The following AP4S1 variants were observed in gnomAD, a reference collection of about 807,000 sequenced individuals.
The protein encoded by AP4S1 is adaptor related protein complex 4 subunit sigma 1.
AP4S1 carries 23 observed loss-of-function variants against 19.8 expected under a neutral mutation model. The ratio of observed to expected loss-of-function variants is 1.16; its 90% CI spans 0.84 to 1.65. The LOEUF (loss-of-function observed/expected upper bound fraction) is 1.65, where lower values mean the gene tolerates loss of function less well. Ranked by LOEUF, AP4S1 falls within the 40% of genes most tolerant of loss-of-function variation. The pLI, the probability that AP4S1 is intolerant of heterozygous loss-of-function variation, is 0.00. For synonymous variants in AP4S1, 46 were observed against 54.1 expected (o/e 0.85, Z 0.66); for missense variants, 166 against 172.8 (o/e 0.96, Z 0.22).
At chr14:31,085,187 T>C (rs1887866229) in intron 5 of AP4S1, 1 of 1,149,080 alleles carries the variant, frequency 8.7e-7, no homozygotes, top group African/African-American at 1.6e-5. Context: ...GCCCTCACTA[T>C]CTACTGCTTG....
Position 31,026,075 on chromosome 14 carries a change from C to T in AP4S1, c.-72+288C>T, listed in dbSNP as rs893643518. On this transcript the variant is annotated intron_variant, in intron 1 of 5. Transcript: ENST00000542754. The stretch of plus-strand genomic sequence containing the variant: ...AGGCCGGAGGACCCCCGCCGCCCGC[C>T]GCTCCGTTCCCCCCGGGCGAAAGGC... The T allele has an allele frequency of 3.9e-6, 6 of 1,529,576 alleles. No homozygotes were observed. The African/African-American group carries it at 7.1e-5, about 18-fold the overall frequency. The allele number at this position is 1,529,576 out of a possible 1,614,324, so 94.8% of individuals were successfully genotyped here. A position where few individuals can be genotyped will look rare whatever the true frequency, so the allele number is the denominator to read the frequency against.
At chr14:31,076,659 C>A (rs1338907372) in intron 4 of AP4S1, among the ~76,000 whole-genome samples, 2 of 152,148 alleles carry the variant, frequency 1.3e-5, no homozygotes, top group South Asian at 2.1e-4. Flanking sequence ...CTGTTCTTTT[C>A]CCCCAATGAA....
chr14:31,058,515 C>CTGTGTG (rs1886247835), intron 1 of AP4S1, among the ~76,000 whole-genome samples: 2 of 132,648 alleles, frequency 1.5e-5, no homozygotes, highest in South Asian at 2.5e-4. Flanking sequence ...TCTTCCCCAT[C>CTGTGTG]TCTGTGTGTG....
intron 5 of AP4S1, among the ~76,000 whole-genome samples, chr14:31,087,840 T>C (rs1271539825): frequency 1.3e-5 from 2 of 152,180 alleles, no homozygotes; most frequent in Non-Finnish European, 2.9e-5. Context: ...TTTGAGAGTA[T>C]CTGTGAATGT....
chr14:31,089,910 C>T (rs979500464), intron 5 of AP4S1, among the ~76,000 whole-genome samples: 2 of 152,150 alleles, frequency 1.3e-5, no homozygotes, highest in Non-Finnish European at 2.9e-5. Context: ...CAGAGAGAAG[C>T]TGCGTCTAAA....
intron 5 of AP4S1, among the ~76,000 whole-genome samples, chr14:31,081,626 TAGTA>T (rs989499508): frequency 1.3e-5 from 2 of 151,748 alleles, no homozygotes; most frequent in Non-Finnish European, 2.9e-5. Flanking sequence ...GAATATAAAA[TAGTA>T]AATTAATTAT....
upstream of AP4S1, chr14:31,025,153 G>T (rs1357991064): frequency 6.6e-6 from 1 of 152,056 alleles, no homozygotes; most frequent in Non-Finnish European, 1.5e-5. Flanking sequence ...GTCTGGTTTG[G>T]TTTTTTTATA....
chr14:31,048,216 C>T (rs902863385), intron 1 of AP4S1, among the ~76,000 whole-genome samples: 1 of 151,422 alleles, frequency 6.6e-6, no homozygotes, highest in Non-Finnish European at 1.5e-5. Context: ...GCCTCGGCCT[C>T]CCAAGTAGCT....
intron 1 of AP4S1, among the ~76,000 whole-genome samples, chr14:31,042,917 A>G (rs1885187141): frequency 6.6e-6 from 1 of 152,144 alleles, no homozygotes; most frequent in South Asian, 2.1e-4. Flanking sequence ...GAAGCTTTAG[A>G]AATTTTTCAG....
At chr14:31,058,331 CCTT>C (rs1886237616) in intron 1 of AP4S1, among the ~76,000 whole-genome samples, 1 of 152,120 alleles carries the variant, frequency 6.6e-6, no homozygotes, top group Non-Finnish European at 1.5e-5. Flanking sequence ...GTAACCTTAA[CCTT>C]CTTTTCCTCT....
At chr14:31,056,664 T>C (rs1886138061) in intron 1 of AP4S1, among the ~76,000 whole-genome samples, 1 of 152,222 alleles carries the variant, frequency 6.6e-6, no homozygotes, top group Non-Finnish European at 1.5e-5. Context: ...CAGCCTATAC[T>C]GTACTTTTTC....
intron 4 of AP4S1, among the ~76,000 whole-genome samples, chr14:31,077,989 C>T (rs748121585): frequency 6.6e-6 from 1 of 152,178 alleles, no homozygotes; most frequent in Non-Finnish European, 1.5e-5. Flanking sequence ...CTGCCTTGGC[C>T]TCCTAAAGTG....
rs370349435 is a variant in AP4S1 at position 31,067,734 on chromosome 14, G to T, written c.138+1400G>T. Among the ~76,000 whole-genome samples the T allele has an allele frequency of 8.6e-5, 13 of 151,878 alleles. 1 individual carries two copies. Among genetic ancestry groups the T allele is most frequent in the Admixed American group, 7.2e-4 (11 of 15,222 alleles). ...GGGTTTCACCATGTTGGTCAGGCTG[G>T]TCTCGAACTCCTGACCTCAAGTGAT... On this transcript the variant is annotated intron_variant, in intron 2 of 5. Transcript: ENST00000542754.
At chr14:31,085,795 T>G in intron 5 of AP4S1, 3 of 975,750 alleles carry the variant, frequency 3.1e-6, no homozygotes, top group Non-Finnish European at 3.7e-6. Context: ...AAAAACATCT[T>G]TACAACATTC....
At chr14:31,074,630 G>C (rs1310233784) in intron 4 of AP4S1, among the ~76,000 whole-genome samples, 2 of 150,920 alleles carry the variant, frequency 1.3e-5, no homozygotes, top group African/African-American at 4.9e-5. Context: ...CTGAGATCAC[G>C]CCACTGCACT....
In AP4S1 at chr14:31,078,792, C is replaced by T. The variant is rs991516366; in HGVS notation, c.295-1781C>T. Among the ~76,000 whole-genome samples the T allele has an allele frequency of 3.2e-4, 49 of 151,976 alleles. 1 individual carries two copies. Among genetic ancestry groups the T allele is most frequent in the Admixed American group, 3.3e-4 (5 of 15,256 alleles). On this transcript the variant is annotated intron_variant, in intron 4 of 5. Transcript: ENST00000542754. ...GCCAGGTGATTATGCAGGACTTGGACGGTAGGTACTAAGGGATGACTTGGC... is the reference window on the plus strand; with the variant it reads ...GCCAGGTGATTATGCAGGACTTGGATGGTAGGTACTAAGGGATGACTTGGC...
intron 1 of AP4S1, among the ~76,000 whole-genome samples, chr14:31,035,313 G>C (rs1482448075): frequency 6.8e-6 from 1 of 147,902 alleles, no homozygotes; most frequent in Non-Finnish European, 1.5e-5. Flanking sequence ...TCCTGCCTCA[G>C]CCTCCCGAGT....
intron 4 of AP4S1, among the ~76,000 whole-genome samples, chr14:31,078,540 T>G (rs1887483853): frequency 1.3e-5 from 2 of 152,186 alleles, no homozygotes; most frequent in Admixed American, 6.5e-5. Flanking sequence ...ATTAGCCATT[T>G]CAAGGTGACA....
chr14:31,047,791 G>A (rs1003751516), intron 1 of AP4S1, among the ~76,000 whole-genome samples: 1 of 151,964 alleles, frequency 6.6e-6, no homozygotes, highest in Non-Finnish European at 1.5e-5. Context: ...CCATTGTCAT[G>A]CCTCAATGAC....
Sources: allele counts gnomAD v4.1 joint callset (sites outside exome capture counted in the v4.1 genomes callset), GRCh38; gene constraint gnomAD v4.1.1; transcripts MANE v1.5; gene names NCBI Gene and HGNC (gene_info 2026-07-23, HGNC 2026-07-21).